Variants in SEC22C observed in about 807,000 individuals in gnomAD.
SEC22C encodes the protein SEC22 homolog C, vesicle trafficking protein.
Under a neutral mutation model 34.7 loss-of-function variants are expected in SEC22C, and 29 were observed. The ratio of observed to expected loss-of-function variants is 0.84; its 90% CI spans 0.62 to 1.14. The LOEUF (loss-of-function observed/expected upper bound fraction) is 1.14, where lower values mean the gene tolerates loss of function less well. Ranked by LOEUF, SEC22C falls within the 50% of genes most tolerant of loss-of-function variation. The pLI, the probability that SEC22C is intolerant of heterozygous loss-of-function variation, is 0.00. For synonymous variants in SEC22C, 117 were observed against 132.8 expected (o/e 0.88, Z 0.82); for missense variants, 337 against 369.0 (o/e 0.91, Z 0.71).
chr3:42,584,205 C>G (rs1424786677), upstream of SEC22C, among the ~76,000 whole-genome samples: 1 of 152,136 alleles, frequency 6.6e-6, no homozygotes, highest in East Asian at 1.9e-4. Flanking sequence ...ATACAGATGT[C>G]AACACAGCAG....
chr3:42,563,435 C>T, intron 3 of SEC22C, 88 bp downstream of exon 3: 1 of 1,180,000 alleles, frequency 8.5e-7, no homozygotes, highest in Non-Finnish European at 1.2e-6. Flanking sequence ...AGTGGTTTTC[C>T]TTGATGGTCA....
intron 1 of SEC22C, among the ~76,000 whole-genome samples, chr3:42,596,017 G>A (rs1472362340): frequency 6.6e-6 from 1 of 151,368 alleles, no homozygotes; most frequent in African/African-American, 2.4e-5. Flanking sequence ...TTTTGGTTTT[G>A]TTTTGTTTTG....
intron 1 of SEC22C, among the ~76,000 whole-genome samples, chr3:42,569,852 G>A (rs911880530): frequency 3.3e-5 from 5 of 152,170 alleles, no homozygotes; most frequent in African/African-American, 9.7e-5. Context: ...GTGGAAACAG[G>A]CCTGCACCAT....
chr3:42,582,792 G>A (rs1704466794), upstream of SEC22C, among the ~76,000 whole-genome samples: 1 of 152,208 alleles, frequency 6.6e-6, no homozygotes, highest in African/African-American at 2.4e-5. Flanking sequence ...TTCAGATGGA[G>A]AGATTAGCAT....
At chr3:42,563,486 T>A (rs758928815) in intron 3 of SEC22C, 37 bp downstream of exon 3, 3 of 1,573,990 alleles carry the variant, frequency 1.9e-6, no homozygotes, top group South Asian at 2.3e-5. Context: ...TATAACACCA[T>A]GGAAGAGAAA....
At chr3:42,590,308 T>TGTATCTGG (rs1704774326) in intron 1 of SEC22C, among the ~76,000 whole-genome samples, 5 of 152,182 alleles carry the variant, frequency 3.3e-5, no homozygotes, top group Admixed American at 3.3e-4. Context: ...TCTGAAGCCA[T>TGTATCTGG]GTATCTGGGT....
At chr3:42,595,502 A>G (rs909264224) in intron 1 of SEC22C, among the ~76,000 whole-genome samples, 3 of 152,234 alleles carry the variant, frequency 2.0e-5, no homozygotes, top group East Asian at 1.9e-4. Context: ...TTTGCATCAC[A>G]TAAGGAGTGA....
rs1251747813 is a variant in SEC22C at position 42,551,307 on chromosome 3, G to A, written c.*1941C>T. 1.0e-6 allele frequency: 1 copy of A among 985,218 alleles called. No homozygotes were observed. The allele number at this position is 985,218 out of a possible 1,614,324, so 61.0% of individuals were successfully genotyped here. A position where few individuals can be genotyped will look rare whatever the true frequency, so the allele number is the denominator to read the frequency against. On this transcript the variant is annotated 3_prime_UTR_variant, in exon 7 of 7. Coordinates refer to ENST00000264454, the MANE Select transcript of SEC22C (RefSeq NM_032970.4). ...GTGAAATCAGTGTAGAGACAACTTT[G>A]GAGTTTATGTCTGAGTATGCTGCCA...
Position 42,548,456 on chromosome 3 carries a change from T to A in SEC22C, c.*4792A>T. 1 of 761,874 alleles carries A rather than the reference T, an allele frequency of 1.3e-6. No homozygotes were observed. Among genetic ancestry groups the A allele is most frequent in the African/African-American group, 1.7e-5 (1 of 57,246 alleles). 47.2% of individuals were successfully genotyped at this position (761,874 alleles called of 1,614,324 possible). A position where few individuals can be genotyped will look rare whatever the true frequency, so the allele number is the denominator to read the frequency against. ...GCAACAGCTCTGCCATCAATACACATGGGCAGATGTTTCCGAATCCAGCCA... is the reference window on the plus strand; with the variant it reads ...GCAACAGCTCTGCCATCAATACACAAGGGCAGATGTTTCCGAATCCAGCCA... On this transcript the variant is annotated 3_prime_UTR_variant, in exon 7 of 7. Coordinates refer to ENST00000264454, the MANE Select transcript of SEC22C (RefSeq NM_032970.4).
intron 1 of SEC22C, among the ~76,000 whole-genome samples, chr3:42,599,054 C>T (rs960788580): frequency 2.0e-5 from 3 of 151,888 alleles, no homozygotes; most frequent in African/African-American, 4.8e-5. Context: ...CAAGCTCTGC[C>T]TCCCAGGTTC....
chr3:42,582,361 G>A (rs1482875248), upstream of SEC22C: 2 of 152,376 alleles, frequency 1.3e-5, no homozygotes. Flanking sequence ...TGCGGTCCGC[G>A]CGGCTGGGCG....
At chr3:42,563,836 C>T (rs984825106) in intron 2 of SEC22C, 150 bp from the exon 3 acceptor site, 18 of 1,520,890 alleles carry the variant, frequency 1.2e-5, no homozygotes, top group Middle Eastern at 3.4e-4. Context: ...CTCTTCAGTT[C>T]GACCTATTCC....
rs1021956211 is a variant in SEC22C, at chr3:42,549,240, C to A, written c.*4008G>T. ...AATGTCTGAACAGGGGCTTGCCAGG[C>A]ACATCTGATCACCATAAATGCTCCC... On this transcript the variant is annotated 3_prime_UTR_variant, in exon 7 of 7. Coordinates refer to ENST00000264454, the MANE Select transcript of SEC22C (RefSeq NM_032970.4). 12 of 986,350 alleles carry A rather than the reference C, an allele frequency of 1.2e-5. No homozygotes were observed. The highest frequency in any genetic ancestry group is 1.4e-5 in the Non-Finnish European group (12 of 830,630). The allele number at this position is 986,350 out of a possible 1,614,324, so 61.1% of individuals were successfully genotyped here. A position where few individuals can be genotyped will look rare whatever the true frequency, so the allele number is the denominator to read the frequency against.
chr3:42,586,474 C>T (rs965053537), upstream of SEC22C, among the ~76,000 whole-genome samples: 5 of 151,998 alleles, frequency 3.3e-5, no homozygotes, highest in Non-Finnish European at 5.9e-5. Context: ...CTGCCTACCT[C>T]GGCCTCCCAA....
At chr3:42,566,488 A>G (rs922849280) in intron 2 of SEC22C, among the ~76,000 whole-genome samples, 2 of 151,970 alleles carry the variant, frequency 1.3e-5, no homozygotes, top group African/African-American at 4.8e-5. Flanking sequence ...CATCCTGGCT[A>G]ACACGGTGAA....
At chr3:42,600,474 G>A (rs1052297026) in intron 1 of SEC22C, 3 of 151,924 alleles carry the variant, frequency 2.0e-5, no homozygotes, top group Non-Finnish European at 4.4e-5. Context: ...CTTCAAAGGG[G>A]GGGGCAAACA....
Position 42,563,530 on chromosome 3 carries a change from A to C in SEC22C, c.339T>G (p.Leu113=), listed in dbSNP as rs1416957241. 3 of 1,609,226 alleles carry C rather than the reference A, an allele frequency of 1.9e-6. No homozygotes were observed. The highest frequency in any genetic ancestry group is 2.2e-5 in the South Asian group (2 of 90,082). Residue 113 remains leucine (L), a synonymous_variant, in exon 3 of 7, where the codon CTT becomes CTG. Coordinates refer to ENST00000264454, the MANE Select transcript of SEC22C (RefSeq NM_032970.4). ...TGAAAGAGGGTTACAAACCAAACTC[A>C]AGAAAAGCGTATGGCCTGGAGGCTA... ...IGLASRPYAF[L]EFDSIIQKVK...
intron 6 of SEC22C, among the ~76,000 whole-genome samples, chr3:42,555,283 C>T (rs892517355): frequency 2.7e-4 from 41 of 151,286 alleles, no homozygotes; most frequent in African/African-American, 1.0e-3. Context: ...GGAGGCAGAG[C>T]TTGCAGTGAG....
In SEC22C at chr3:42,563,668, G is replaced by A. The variant is rs767063556; in HGVS notation, c.201C>T (p.Asp67=). 5.0e-6 allele frequency: 8 copies of A among 1,613,832 alleles called. No homozygotes were observed. The highest frequency in any genetic ancestry group is 2.2e-5 in the South Asian group (2 of 91,070). The change falls in exon 3 of 7, where the codon GAC becomes GAT. Residue 67 remains aspartate, a synonymous_variant. Transcript: ENST00000264454. ...AGGAGCAGATAGCCATGCAGGCCAC[G>A]TCCCCGAAAGAAGAAAAACTGAAAC... ...DFSIHFSSFG[D]VACMAICSCQ... is the part of the protein sequence containing the mutation.
Sources: gnomAD v4.1 joint callset for allele counts (sites outside exome capture counted in the v4.1 genomes callset) on GRCh38, gnomAD v4.1.1 for gene constraint, MANE v1.5 for transcripts, NCBI Gene and HGNC (gene_info 2026-07-23, HGNC 2026-07-21) for gene names.